PDE4D: variants seen among roughly 807,000 people sequenced by gnomAD.
The protein encoded by PDE4D is phosphodiesterase 4D, also known as 3',5'-cyclic-AMP phosphodiesterase 4D.
A neutral mutation model predicts 87.4 loss-of-function variants in PDE4D; 24 were observed. That is an observed-to-expected ratio of 0.27 (90% CI 0.20 to 0.39). The LOEUF (loss-of-function observed/expected upper bound fraction) is 0.39, where lower values mean the gene tolerates loss of function less well. Ranked by LOEUF, PDE4D falls within the 10% of genes least tolerant of loss-of-function variation. The pLI is 1.00. For missense variants in PDE4D, 714 were observed against 1,041.0 expected (o/e 0.69, Z 4.32); for synonymous variants, 384 against 383.2 (o/e 1.00, Z -0.02).
At chr5:59,501,944 AT>A (rs111673915) in intron 1 of PDE4D, among the ~76,000 whole-genome samples, 18 of 152,238 alleles carry the variant, frequency 1.2e-4, no homozygotes, top group African/African-American at 4.1e-4. Context: ...GATAGCTAAC[AT>A]TTTGCTCTTG....
At chr5:60,386,839 A>G (rs753914351) in intron 1 of PDE4D, among the ~76,000 whole-genome samples, 2 of 152,216 alleles carry the variant, frequency 1.3e-5, no homozygotes, top group Admixed American at 6.5e-5. Flanking sequence ...CATATGGTAG[A>G]TATCTTTGAT....
At chr5:59,070,288 T>C (rs1048430703) in intron 5 of PDE4D, among the ~76,000 whole-genome samples, 1 of 152,174 alleles carries the variant, frequency 6.6e-6, no homozygotes, top group African/African-American at 2.4e-5. Flanking sequence ...GCAAATAGTT[T>C]AGAGAACTAA....
intron 2 of PDE4D, among the ~76,000 whole-genome samples, chr5:60,171,180 C>T (rs1226903022): frequency 3.9e-5 from 6 of 152,012 alleles, no homozygotes; most frequent in Non-Finnish European, 8.8e-5. Flanking sequence ...ATAGTATACA[C>T]AAATCGAACT....
chr5:59,306,560 C>A (rs964162607), intron 1 of PDE4D, among the ~76,000 whole-genome samples: 1 of 152,002 alleles, frequency 6.6e-6, no homozygotes, highest in African/African-American at 2.4e-5. Context: ...TCTTATACAC[C>A]AATAACAGAC....
At chr5:59,602,283 G>A (rs1337181448) in intron 1 of PDE4D, among the ~76,000 whole-genome samples, 2 of 151,892 alleles carry the variant, frequency 1.3e-5, no homozygotes, top group African/African-American at 2.4e-5. Context: ...AACAAGCAAA[G>A]GCCATATATG....
intron 1 of PDE4D, among the ~76,000 whole-genome samples, chr5:60,439,924 A>C (rs901116759): frequency 2.3e-5 from 3 of 133,288 alleles, no homozygotes; most frequent in Admixed American, 1.4e-4. Flanking sequence ...TTTAAAAAAA[A>C]AAACAAAAAA....
At chr5:60,098,350 T>A (rs949149926) in intron 2 of PDE4D, among the ~76,000 whole-genome samples, 1 of 151,850 alleles carries the variant, frequency 6.6e-6, no homozygotes, top group Non-Finnish European at 1.5e-5. Context: ...TTGATAGGGG[T>A]TGAATCTGTA....
At chr5:59,822,441 A>G (rs1384022068) in intron 1 of PDE4D, among the ~76,000 whole-genome samples, 1 of 152,184 alleles carries the variant, frequency 6.6e-6, no homozygotes, top group Non-Finnish European at 1.5e-5. Context: ...TTATACTAGA[A>G]TTTGTTATAT....
At chr5:60,305,038 TAC>T (rs35539982) in intron 1 of PDE4D, among the ~76,000 whole-genome samples, 9,070 of 135,644 alleles carry the variant, frequency 0.067, 294 homozygotes, top group East Asian at 0.11. Flanking sequence ...TTTTGAGCTA[TAC>T]ACACACACAC....
chr5:60,316,620 G>A (rs1231514916), intron 1 of PDE4D, among the ~76,000 whole-genome samples: 8 of 152,108 alleles, frequency 5.3e-5, no homozygotes, highest in Non-Finnish European at 7.4e-5. Context: ...TATTGGCTGT[G>A]GGTTTGTCAT....
intron 1 of PDE4D, among the ~76,000 whole-genome samples, chr5:60,252,874 C>A (rs1017767265): frequency 7.2e-5 from 11 of 151,748 alleles, no homozygotes; most frequent in African/African-American, 2.7e-4. Context: ...GAGGGAAGAG[C>A]TATAGGAATA....
chr5:59,137,693 ATTT>A (rs1777304753), intron 5 of PDE4D, among the ~76,000 whole-genome samples: 2 of 151,878 alleles, frequency 1.3e-5, no homozygotes, highest in Non-Finnish European at 2.9e-5. Context: ...CGCGTGGCTA[ATTT>A]TTTGTATTTT....
chr5:59,292,291 A>G (rs1768191160), intron 1 of PDE4D, among the ~76,000 whole-genome samples: 1 of 152,174 alleles, frequency 6.6e-6, no homozygotes. Context: ...TTCTTATTAG[A>G]GTGATAAAAA....
intron 1 of PDE4D, among the ~76,000 whole-genome samples, chr5:59,668,860 A>AGAGGAAGAGGAAGAG (rs1746631276): frequency 1.5e-5 from 1 of 67,720 alleles, no homozygotes; most frequent in African/African-American, 6.6e-5. Flanking sequence ...AAGAAGAAGA[A>AGAGGAAGAGGAAGAG]GAAGAAGAAG....
chr5:60,127,757 T>C (rs116634402), intron 2 of PDE4D: 184 of 532,324 alleles, frequency 3.5e-4, no homozygotes, highest in African/African-American at 3.3e-3. Flanking sequence ...ATGGAAGATA[T>C]TGAAAAAGCG....
At chr5:59,061,466 G>T (rs538731238) in intron 5 of PDE4D, among the ~76,000 whole-genome samples, 1 of 152,232 alleles carries the variant, frequency 6.6e-6, no homozygotes, top group South Asian at 2.1e-4. Flanking sequence ...TTTGCCTGCA[G>T]TAGTAAACTT....
intron 5 of PDE4D, among the ~76,000 whole-genome samples, chr5:59,060,502 A>C (rs1229010885): frequency 6.6e-6 from 1 of 152,168 alleles, no homozygotes; most frequent in East Asian, 1.9e-4. Flanking sequence ...TTTGATGTTC[A>C]ATAAACATCT....
At position 59,430,987 on chromosome 5, in the gene PDE4D, T is replaced by C. The variant is rs191237893; in HGVS notation, c.456-215019A>G. On this transcript the variant is annotated intron_variant, in intron 1 of 14. Coordinates refer to ENST00000340635, the MANE Select transcript of PDE4D (RefSeq NM_001104631.2). ...GTTTTCCAATTCTCTGGTAAAAAAA[T>C]TGTGGGTTCTTATTCATAAATTACT... Among the ~76,000 whole-genome samples the C allele has an allele frequency of 2.0e-3, 301 of 152,228 alleles. 1 individual carries two copies. The highest frequency in any genetic ancestry group is 7.0e-3 in the African/African-American group (289 of 41,562).
rs576538844 is a variant in PDE4D, at chr5:59,537,832, CCTT to C, written c.456-321867_456-321865del. ...AGGAGAGCTGTGTTGTAAACATAGT[CCTT>C]CTTTTTAAAAATGGGAACTCTTATT... On this transcript the variant is annotated intron_variant, in intron 1 of 14. Coordinates refer to ENST00000340635, the MANE Select transcript of PDE4D (RefSeq NM_001104631.2). Among the ~76,000 whole-genome samples, 12 of 152,202 alleles carry C rather than the reference CCTT, an allele frequency of 7.9e-5. No individual in the cohort carries two copies. In the East Asian group the frequency reaches 2.3e-3, roughly 29 times the overall value.
Sources: allele counts gnomAD v4.1 joint callset (sites outside exome capture counted in the v4.1 genomes callset), GRCh38; gene constraint gnomAD v4.1.1; transcripts MANE v1.5; gene names NCBI Gene and HGNC (gene_info 2026-07-23, HGNC 2026-07-21).